Variants in TGFBR3 observed in about 807,000 individuals in gnomAD.
TGFBR3 encodes the protein transforming growth factor beta receptor 3.
In TGFBR3, 46 loss-of-function variants were observed where a neutral mutation model predicts 87.9. The observed-to-expected ratio is 0.52, with a 90% confidence interval of 0.41 to 0.67. The LOEUF is 0.67. TGFBR3 is among the 30% of genes least tolerant of loss of function. TGFBR3 has a pLI of 0.00. For synonymous variants in TGFBR3, 381 were observed against 391.6 expected, an observed-to-expected ratio of 0.97 and a Z score of 0.32; for missense variants, 866 against 1,041.9, an observed-to-expected ratio of 0.83 and a Z score of 2.32.
chr1:91,690,491 C>T (rs918370723), intron 16 of TGFBR3, among the ~76,000 whole-genome samples: 4 of 152,072 alleles, frequency 2.6e-5, no homozygotes, highest in African/African-American at 9.7e-5. Context: ...ATGGCCTTGC[C>T]TCATCTAGCA....
At position 91,680,394 on chromosome 1, in the gene TGFBR3, TGTG is replaced by T; in HGVS notation, c.*3342_*3344del. The stretch of plus-strand genomic sequence containing the variant: ...TATGCACAGATAAAAGATTTAAAAC[TGTG>T]GTTATCAAAACTATACATCTAAGCA... On this transcript the variant is annotated 3_prime_UTR_variant, in exon 17 of 17. Transcript: ENST00000212355. The T allele has an allele frequency of 2.2e-6, 1 of 452,284 alleles. No individual in the cohort carries two copies. The highest frequency in any genetic ancestry group is 1.6e-5 in the South Asian group (1 of 63,814). The allele number at this position is 452,284 out of a possible 1,614,324, so 28.0% of individuals were successfully genotyped here. A position where few individuals can be genotyped will look rare whatever the true frequency, so the allele number is the denominator to read the frequency against.
chr1:91,882,801 C>T (rs1230940228), intron 1 of TGFBR3, among the ~76,000 whole-genome samples: 1 of 152,024 alleles, frequency 6.6e-6, no homozygotes, highest in South Asian at 2.1e-4. Context: ...CAAGCATATT[C>T]TTATTGTTTA....
chr1:91,857,177 A>C (rs1014440094), intron 2 of TGFBR3, among the ~76,000 whole-genome samples: 1 of 152,152 alleles, frequency 6.6e-6, no homozygotes, highest in Admixed American at 6.5e-5. Context: ...TTTGAATTCC[A>C]AGATTAAACA....
chr1:91,791,422 T>C (rs1306203436), intron 3 of TGFBR3, among the ~76,000 whole-genome samples: 1 of 152,030 alleles, frequency 6.6e-6, no homozygotes, highest in African/African-American at 2.4e-5. Flanking sequence ...GTGATAATCC[T>C]AAACCATGAA....
chr1:91,849,740 T>C (rs1234937655), intron 2 of TGFBR3, among the ~76,000 whole-genome samples: 1 of 152,126 alleles, frequency 6.6e-6, no homozygotes, highest in Non-Finnish European at 1.5e-5. Flanking sequence ...ACTCAGTAAA[T>C]CCTTGTTAAA....
At chr1:91,709,134 C>T (rs866592007) in intron 13 of TGFBR3, among the ~76,000 whole-genome samples, 17 of 152,156 alleles carry the variant, frequency 1.1e-4, no homozygotes, top group Admixed American at 3.3e-4. Flanking sequence ...TTCATATACA[C>T]GGTTCATGTT....
intron 6 of TGFBR3, among the ~76,000 whole-genome samples, chr1:91,729,150 T>TACACACACACACACACACAC (rs57364204): frequency 1.5e-5 from 1 of 66,856 alleles, no homozygotes; most frequent in Non-Finnish European, 2.9e-5. Flanking sequence ...CACTCCAGCA[T>TACACACACACACACACACAC]ACACACACAC....
intron 2 of TGFBR3, among the ~76,000 whole-genome samples, chr1:91,844,989 G>C (rs1402666924): frequency 6.6e-6 from 1 of 152,130 alleles, no homozygotes; most frequent in Non-Finnish European, 1.5e-5. Flanking sequence ...GGTTGCCCAG[G>C]GTTTCAGGAT....
Position 91,720,203 on chromosome 1 carries a change from T to A in TGFBR3, c.1103A>T (p.His368Leu). Residue 368 changes from histidine to leucine, a missense_variant, in exon 9 of 17, where the codon CAC becomes CTC. His to Leu is a moderately conservative substitution (Grantham distance 99). Coordinates refer to ENST00000212355, the MANE Select transcript of TGFBR3 (RefSeq NM_003243.5). The part of the protein sequence containing the change: ...NAEEMGDEEV[H>L]TIPPELRILL... ...GATCCGTAGCTCAGGAGGAATAGTGTGGACTTCCTCATCTCCCATCTCCTC... is the reference window on the plus strand; with the variant it reads ...GATCCGTAGCTCAGGAGGAATAGTGAGGACTTCCTCATCTCCCATCTCCTC... The A allele has an allele frequency of 2.5e-6, 4 of 1,607,614 alleles. No homozygotes were observed. The highest frequency in any genetic ancestry group is 3.4e-6 in the Non-Finnish European group (4 of 1,176,630).
intron 7 of TGFBR3, among the ~76,000 whole-genome samples, chr1:91,725,445 T>C (rs917639055): frequency 7.9e-5 from 12 of 152,212 alleles, no homozygotes; most frequent in African/African-American, 2.9e-4. Context: ...GCTAGGCATA[T>C]ATTATCTTAT....
intron 16 of TGFBR3, among the ~76,000 whole-genome samples, chr1:91,685,617 C>T (rs1444824747): frequency 2.0e-5 from 3 of 152,090 alleles, no homozygotes; most frequent in East Asian, 1.9e-4. Context: ...CCACCACGCC[C>T]GGCTGAAACA....
In TGFBR3 at chr1:91,680,611, T is replaced by C. The variant is rs1426186512; in HGVS notation, c.*3128A>G. On this transcript the variant is annotated 3_prime_UTR_variant, in exon 17 of 17. Coordinates refer to ENST00000212355, the MANE Select transcript of TGFBR3 (RefSeq NM_003243.5). ...TTTGGAAACTGATAATAGTCCTTTTTAGAAAAACATCTGTCAGTTTCATGA... is the reference window on the plus strand; with the variant it reads ...TTTGGAAACTGATAATAGTCCTTTTCAGAAAAACATCTGTCAGTTTCATGA... 2.2e-6 allele frequency: 1 copy of C among 454,016 alleles called. No homozygotes were observed. The highest frequency in any genetic ancestry group is 4.4e-6 in the Non-Finnish European group (1 of 226,774). 28.1% of individuals were successfully genotyped at this position (454,016 alleles called of 1,614,324 possible). A position where few individuals can be genotyped will look rare whatever the true frequency, so the allele number is the denominator to read the frequency against.
At chr1:91,719,743 C>T in intron 9 of TGFBR3, 150 bp downstream of exon 9, 1 of 931,006 alleles carries the variant, frequency 1.1e-6, no homozygotes, top group Non-Finnish European at 1.7e-6. Context: ...GAATCACAGC[C>T]AAGGGGAAGT....
chr1:91,682,695 A>AT lies in TGFBR3; in HGVS notation c.*1043dup, dbSNP rs760799851. ...CAGTTTGGTTTTTATGAAAGGGCCT[A>AT]TTTTTTTTTAAGTTGACATATTTTG... is the stretch of plus-strand genomic sequence containing the variant. On this transcript the variant is annotated 3_prime_UTR_variant, in exon 17 of 17. Transcript: ENST00000212355. 1.1e-4 allele frequency: 51 copies of AT among 451,954 alleles called. 1 individual carries two copies. The highest frequency in any genetic ancestry group is 2.0e-4 in the Non-Finnish European group (45 of 226,060). The allele number at this position is 451,954 out of a possible 1,614,324, so 28.0% of individuals were successfully genotyped here. A position where few individuals can be genotyped will look rare whatever the true frequency, so the allele number is the denominator to read the frequency against.
At chr1:91,732,551 C>T (rs1036900554) in intron 5 of TGFBR3, among the ~76,000 whole-genome samples, 1 of 152,136 alleles carries the variant, frequency 6.6e-6, no homozygotes, top group African/African-American at 2.4e-5. Flanking sequence ...AGAGCCAGGT[C>T]GGATTCTGGG....
chr1:91,901,148 C>T (rs1041151395), intron 1 of TGFBR3, among the ~76,000 whole-genome samples: 1 of 152,168 alleles, frequency 6.6e-6, no homozygotes, highest in East Asian at 1.9e-4. Context: ...ATGTCCTCAT[C>T]CTCACCAACA....
intron 4 of TGFBR3, among the ~76,000 whole-genome samples, chr1:91,747,991 G>T (rs971059472): frequency 3.3e-5 from 5 of 152,168 alleles, no homozygotes; most frequent in African/African-American, 1.2e-4. Context: ...CTAGATAAAT[G>T]CTGACTGATA....
chr1:91,818,395 G>A (rs1028124799), intron 2 of TGFBR3, among the ~76,000 whole-genome samples: 1 of 144,664 alleles, frequency 6.9e-6, no homozygotes, highest in Admixed American at 7.3e-5. Context: ...ATGCCTCATT[G>A]TTTTCTATTT....
At chr1:91,726,859 TA>T (rs1672568402) in intron 7 of TGFBR3, among the ~76,000 whole-genome samples, 1 of 150,960 alleles carries the variant, frequency 6.6e-6, no homozygotes, top group African/African-American at 2.4e-5. Context: ...ATTATCTTCT[TA>T]AAAAATAGGG....
Sources: gnomAD v4.1 joint callset for allele counts (sites outside exome capture counted in the v4.1 genomes callset) on GRCh38, gnomAD v4.1.1 for gene constraint, MANE v1.5 for transcripts, NCBI Gene and HGNC (gene_info 2026-07-23, HGNC 2026-07-21) for gene names.